ABI3: variants seen among roughly 807,000 people sequenced by gnomAD.
ABI3 encodes the protein ABI family member 3.
ABI3 carries 24 observed loss-of-function variants against 37.0 expected under a neutral mutation model. The observed-to-expected ratio is 0.65, with a 90% confidence interval of 0.47 to 0.91. The LOEUF (loss-of-function observed/expected upper bound fraction) is 0.91, where lower values mean the gene tolerates loss of function less well. ABI3 is among the 40% of genes least tolerant of loss of function. The pLI is 0.00. For missense variants in ABI3, 481 were observed against 485.1 expected, an observed-to-expected ratio of 0.99 and a Z score of 0.08; for synonymous variants, 220 against 211.8, an observed-to-expected ratio of 1.04 and a Z score of -0.34.
rs2043265151 is a variant in ABI3 at position 49,219,983 on chromosome 17, G to C, written c.644+30G>C. ...GACCTACAAGCCCACGTGGGTGGGT[G>C]GGGGGTGGGAAGTGGCTTTTGAGAG... On this transcript the variant is annotated intron_variant, in intron 5 of 7. Coordinates refer to ENST00000225941, the MANE Select transcript of ABI3 (RefSeq NM_016428.3). This position sits in a 1 kb window ranked among gnomAD's most constrained non-coding sequence, Gnocchi z 4.3. 2.4e-6 allele frequency: 3 copies of C among 1,263,994 alleles called. No individual in the cohort carries two copies. Among genetic ancestry groups the C allele is most frequent in the Admixed American group, 2.0e-5 (1 of 50,738 alleles). The allele number at this position is 1,263,994 out of a possible 1,614,324, so 78.3% of individuals were successfully genotyped here.
At position 49,222,874 on chromosome 17, in the gene ABI3, G is replaced by A. The variant is rs1449484359; in HGVS notation, c.*159G>A. Reference sequence around the variant, plus strand: ...CCCATCGGAGGGAGAAGGGGTCCTGGGGAGAGAGAATTTATCCAGAGGCCT... The same window carrying A: ...CCCATCGGAGGGAGAAGGGGTCCTGAGGAGAGAGAATTTATCCAGAGGCCT... On this transcript the variant is annotated 3_prime_UTR_variant, in exon 8 of 8. Coordinates refer to ENST00000225941, the MANE Select transcript of ABI3 (RefSeq NM_016428.3). 3 of 852,598 alleles carry A rather than the reference G, an allele frequency of 3.5e-6. No homozygotes were observed. Among genetic ancestry groups the A allele is most frequent in the East Asian group, 5.4e-5 (2 of 37,206 alleles). 52.8% of individuals were successfully genotyped at this position (852,598 alleles called of 1,614,324 possible).
Position 49,222,911 on chromosome 17 carries a change from G to A in ABI3, c.*196G>A, listed in dbSNP as rs534827454. ...TTATCCAGAGGCCTGCTGCAGATGG[G>A]GAAGAGCTGGAAACCAAGAAGTTTG... On this transcript the variant is annotated 3_prime_UTR_variant, in exon 8 of 8. Coordinates refer to ENST00000225941, the MANE Select transcript of ABI3 (RefSeq NM_016428.3). 1.5e-4 allele frequency: 100 copies of A among 651,084 alleles called. No individual in the cohort carries two copies. Among genetic ancestry groups the A allele is most frequent in the Middle Eastern group, 4.3e-4 (1 of 2,344 alleles). The allele number at this position is 651,084 out of a possible 1,614,324, so 40.3% of individuals were successfully genotyped here.
Position 49,216,654 on chromosome 17 carries a change from G to T in ABI3, c.241G>T (p.Ala81Ser). The change falls in exon 2 of 8, where the codon GCC (alanine) becomes TCC (serine). Residue 81 changes from alanine (A) to serine (S), a missense_variant. Ala to Ser is a moderately conservative substitution (Grantham distance 99, BLOSUM62 1). Coordinates refer to ENST00000225941, the MANE Select transcript of ABI3 (RefSeq NM_016428.3). ...TCTGCGCATGTTGGACCTGCAGGGG[G>T]CCGCCCTGCGGCAGGTGGAAGCCCG... ...HTLRMLDLQG[A>S]ALRQVEARVS... 1 of 1,607,728 alleles carries T rather than the reference G, an allele frequency of 6.2e-7. No homozygotes were observed. The highest frequency in any genetic ancestry group is 1.1e-5 in the South Asian group (1 of 90,236).
intron 1 of ABI3, among the ~76,000 whole-genome samples, chr17:49,214,983 AG>A (rs2143518492): frequency 6.6e-6 from 1 of 152,336 alleles, no homozygotes; most frequent in African/African-American, 2.4e-5. Context: ...GTTTAAGGCA[AG>A]GGGGCGTAGA....
rs200202572 is a variant in ABI3 at position 49,222,659 on chromosome 17, G to A, written c.1045G>A (p.Val349Ile). Residue 349 changes from valine (V) to isoleucine (I), a missense_variant, in exon 8 of 8, where the codon GTC becomes ATC. Transcript: ENST00000225941. The stretch of plus-strand genomic sequence containing the variant: ...CTACTCCGATGGCTGGTGCGAGGGC[G>A]TCAGCTCAGAGGGGACTGGATTCTT... ...RRYSDGWCEG[V>I]SSEGTGFFPG... The A allele has an allele frequency of 1.6e-5, 26 of 1,609,948 alleles. No homozygotes were observed. Among genetic ancestry groups the A allele is most frequent in the Admixed American group, 8.4e-5 (5 of 59,234 alleles).
At position 49,223,125 on chromosome 17, in the gene ABI3, C is replaced by T. The variant is rs1457958279; in HGVS notation, c.*410C>T. The T allele has an allele frequency of 2.4e-6, 1 of 418,902 alleles. No homozygotes were observed. 25.9% of individuals were successfully genotyped at this position (418,902 alleles called of 1,614,324 possible). On this transcript the variant is annotated 3_prime_UTR_variant, in exon 8 of 8. Coordinates refer to ENST00000225941, the MANE Select transcript of ABI3 (RefSeq NM_016428.3). ...TCCAACCCACCAGCTGACCTAGAAGCAGCATCTTCCCATTTCCTCAGTACC... is the reference window on the plus strand; with the variant it reads ...TCCAACCCACCAGCTGACCTAGAAGTAGCATCTTCCCATTTCCTCAGTACC...
intron 7 of ABI3, 37 bp from the exon 8 acceptor site, chr17:49,222,515 G>A: frequency 6.2e-7 from 1 of 1,607,516 alleles, no homozygotes; most frequent in Non-Finnish European, 8.5e-7. Context: ...AGGGCAAGAG[G>A]CATTATCTCA....
At chr17:49,217,114 G>A (rs1166593694) in intron 2 of ABI3, among the ~76,000 whole-genome samples, 4 of 151,966 alleles carry the variant, frequency 2.6e-5, no homozygotes, top group Middle Eastern at 3.4e-3. Context: ...CCTCCACCCC[G>A]CCACAGTGTT....
Position 49,220,167 on chromosome 17 carries a change from A to G in ABI3, c.645-2A>G. 6.2e-7 allele frequency: 1 copy of G among 1,611,852 alleles called. No individual in the cohort carries two copies. Among genetic ancestry groups the G allele is most frequent in the Non-Finnish European group, 8.5e-7 (1 of 1,179,960 alleles). ...CCGCCAACCGGGCTCTCTGGTGTTC[A>G]GCAGCGCCGAAGGTGTCGGTGGGGC... On this transcript the variant is annotated splice_acceptor_variant, in intron 5 of 7. Transcript: ENST00000225941. LOFTEE classifies it high-confidence loss of function.
In ABI3 at chr17:49,219,903, C is replaced by G; in HGVS notation, c.594C>G (p.Pro198=). The G allele has an allele frequency of 1.9e-6, 3 of 1,555,680 alleles. No homozygotes were observed. The highest frequency in any genetic ancestry group is 1.7e-4 in the Middle Eastern group (1 of 5,996). ...AGCCAGTGCACCTGCCGGTGGTGCC[C>G]GACGGCAGACTCTCCGCCGCCTCCT... ...IPEPVHLPVV[P]DGRLSAASSA... is the part of the protein sequence containing the mutation. The change falls in exon 5 of 8, where the codon CCC becomes CCG. Residue 198 remains proline, a synonymous_variant. Transcript: ENST00000225941. The surrounding 1 kb of genome is among the most constrained non-coding windows in gnomAD (Gnocchi z 4.3).
At position 49,214,626 on chromosome 17, in the gene ABI3, C is replaced by T. The variant is rs191916712; in HGVS notation, c.118-1905C>T. Among the ~76,000 whole-genome samples the T allele has an allele frequency of 8.0e-3, 1,224 of 152,306 alleles. 8 individuals are homozygous for T. Among genetic ancestry groups the T allele is most frequent in the South Asian group, 0.025 (123 of 4,828 alleles). On this transcript the variant is annotated intron_variant, in intron 1 of 7. Coordinates refer to ENST00000225941, the MANE Select transcript of ABI3 (RefSeq NM_016428.3). ...TCGGAAGGCTGAGGCAGGAGAATCG[C>T]TTGAACCCAGGAGGCGGAGGTTGGG...
At chr17:49,214,351 C>A (rs770385126) in intron 1 of ABI3, among the ~76,000 whole-genome samples, 1 of 152,116 alleles carries the variant, frequency 6.6e-6, no homozygotes, top group East Asian at 1.9e-4. Context: ...GGAAGCTGCC[C>A]GGGGAACCAA....
chr17:49,222,623 G>A lies in ABI3; in HGVS notation c.1009G>A (p.Val337Ile), dbSNP rs1203928220. 2 of 1,613,878 alleles carry A rather than the reference G, an allele frequency of 1.2e-6. No individual in the cohort carries two copies. Among genetic ancestry groups the A allele is most frequent in the African/African-American group, 1.3e-5 (1 of 74,932 alleles). Reference sequence around the variant, plus strand: ...CTTCTCTGAGGGCACTGTCATCTGTGTCACTCGCCGCTACTCCGATGGCTG... The same window carrying A: ...CTTCTCTGAGGGCACTGTCATCTGTATCACTCGCCGCTACTCCGATGGCTG... ...LSFSEGTVIC[V>I]TRRYSDGWCE... Residue 337 changes from valine (V) to isoleucine (I), a missense_variant, in exon 8 of 8, where the codon GTC becomes ATC. Coordinates refer to ENST00000225941, the MANE Select transcript of ABI3 (RefSeq NM_016428.3).
Position 49,222,848 on chromosome 17 carries a change from T to A in ABI3, c.*133T>A. 1 of 1,056,640 alleles carries A rather than the reference T, an allele frequency of 9.5e-7. No homozygotes were observed. The highest frequency in any genetic ancestry group is 1.3e-6 in the Non-Finnish European group (1 of 752,438). The allele number at this position is 1,056,640 out of a possible 1,614,324, so 65.5% of individuals were successfully genotyped here. ...GCTGTGAGCTGTGTTCTGTCCTTCC[T>A]CCCATCGGAGGGAGAAGGGGTCCTG... On this transcript the variant is annotated 3_prime_UTR_variant, in exon 8 of 8. Transcript: ENST00000225941.
chr17:49,219,939 C>T lies in ABI3; in HGVS notation c.630C>T (p.Ser210=). 2 of 1,548,540 alleles carry T rather than the reference C, an allele frequency of 1.3e-6. No homozygotes were observed. ...TCTCCGCCGCCTCCTCTGCGTTTTC[C>T]CTGGCCTCGGCCGGGTGAGACCTAC... ...GRLSAASSAF[S]LASAGSAEGV... Residue 210 remains serine, a synonymous_variant, in exon 5 of 8, where the codon TCC becomes TCT. Transcript: ENST00000225941. The surrounding 1 kb of genome is among the most constrained non-coding windows in gnomAD (Gnocchi z 4.3).
rs1318922269 is a variant in ABI3 at position 49,219,055 on chromosome 17, G to A, written c.463-485G>A. On this transcript the variant is annotated intron_variant, in intron 3 of 7. Coordinates refer to ENST00000225941, the MANE Select transcript of ABI3 (RefSeq NM_016428.3). This position sits in a 1 kb window ranked among gnomAD's most constrained non-coding sequence, Gnocchi z 4.3. Reference sequence around the variant, plus strand: ...CCTCTTTCATGTAGGCGTGCACCCTGTCATTTGCGCATCCCCTCTAAGTGG... The same window carrying A: ...CCTCTTTCATGTAGGCGTGCACCCTATCATTTGCGCATCCCCTCTAAGTGG... Among the ~76,000 whole-genome samples the A allele has an allele frequency of 6.6e-6, 1 of 152,158 alleles. No homozygotes were observed. The highest frequency in any genetic ancestry group is 2.4e-5 in the African/African-American group (1 of 41,406).
At chr17:49,216,205 C>G (rs556628212) in intron 1 of ABI3, among the ~76,000 whole-genome samples, 1 of 151,888 alleles carries the variant, frequency 6.6e-6, no homozygotes, top group South Asian at 2.1e-4. Flanking sequence ...CCTAAAAGGA[C>G]AGCCTGTTAC....
chr17:49,220,191 GC>G lies in ABI3; in HGVS notation c.672del (p.Thr225ArgfsTer90). ...SAGSAEGVGG[A>X]PTPKGQAAPP... ...CAGCAGCGCCGAAGGTGTCGGTGGG[GC>G]CCCCACGCCCAAGGGGCAGGCAGCA... On this transcript the variant is annotated frameshift_variant, in exon 6 of 8. Transcript: ENST00000225941. LOFTEE classifies it high-confidence loss of function. 6.2e-7 allele frequency: 1 copy of G among 1,612,000 alleles called. No homozygotes were observed. The highest frequency in any genetic ancestry group is 8.5e-7 in the Non-Finnish European group (1 of 1,179,884).
chr17:49,216,706 G>A lies in ABI3; in HGVS notation c.285+8G>A. 1 of 1,496,864 alleles carries A rather than the reference G, an allele frequency of 6.7e-7. No individual in the cohort carries two copies. The highest frequency in any genetic ancestry group is 8.9e-7 in the Non-Finnish European group (1 of 1,120,354). The allele number at this position is 1,496,864 out of a possible 1,614,324, so 92.7% of individuals were successfully genotyped here. On this transcript the variant is annotated splice_region_variant and intron_variant, in intron 2 of 7. Transcript: ENST00000225941. The stretch of plus-strand genomic sequence containing the variant: ...GTAAGCACGCTGGGCCAGGTAAGGG[G>A]CGTGGGGCGTGGGAAGGCATCTTGT...
Sources: allele counts gnomAD v4.1 joint callset (sites outside exome capture counted in the v4.1 genomes callset), GRCh38; gene constraint gnomAD v4.1.1; non-coding constraint Gnocchi (gnomAD v3.1); transcripts MANE v1.5; gene names NCBI Gene and HGNC (gene_info 2026-07-23, HGNC 2026-07-21).